The following NDUFS7 variants were observed in gnomAD, a reference collection of about 807,000 sequenced individuals.
NDUFS7 encodes the protein NADH:ubiquinone oxidoreductase core subunit S7.
Under a neutral mutation model 31.1 loss-of-function variants are expected in NDUFS7, and 11 were observed. The ratio of observed to expected loss-of-function variants is 0.35; its 90% CI spans 0.22 to 0.59. The LOEUF is 0.59. NDUFS7 is among the 20% of genes least tolerant of loss of function. The probability of loss-of-function intolerance (pLI) is 0.79; values close to 1 mark genes in which losing one functional copy is unlikely to be tolerated. For missense variants in NDUFS7, 263 were observed against 324.2 expected, an observed-to-expected ratio of 0.81 and a Z score of 1.45; for synonymous variants, 136 against 127.9, an observed-to-expected ratio of 1.06 and a Z score of -0.43.
At chr19:1,387,616 C>T in intron 1 of NDUFS7, 195 bp from the exon 2 acceptor site, 1 of 624,578 alleles carries the variant, frequency 1.6e-6, no homozygotes, top group Non-Finnish European at 2.9e-6. Flanking sequence ...CTTCCGGGGC[C>T]ATGCAGTCTC....
chr19:1,389,217 A>G (rs986165499), intron 4 of NDUFS7: 53 of 671,364 alleles, frequency 7.9e-5, no homozygotes, highest in Middle Eastern at 2.8e-4. Flanking sequence ...TTGCACACAT[A>G]CACACATGCA....
At chr19:1,389,110 G>C in intron 4 of NDUFS7, 172 bp downstream of exon 4, 1 of 719,008 alleles carries the variant, frequency 1.4e-6, no homozygotes. Flanking sequence ...TGTGTACACG[G>C]ACCACACGCA....
In NDUFS7 at chr19:1,390,898, C is replaced by G. The variant is rs758518373; in HGVS notation, c.256C>G (p.Leu86Val). The G allele has an allele frequency of 2.8e-5, 45 of 1,610,780 alleles. No homozygotes were observed. The highest frequency in any genetic ancestry group is 3.8e-5 in the Non-Finnish European group (45 of 1,179,676). Residue 86 changes from leucine to valine, a missense_variant, in exon 5 of 8, where the codon CTG (leucine) becomes GTG (valine). By Grantham distance (32) the Leu-to-Val change is conservative. Transcript: ENST00000233627. ...TTCTCTGTGGCCCATGACCTTCGGCCTGGCCTGCTGCGCCGTGGAGATGAT... is the reference window on the plus strand; with the variant it reads ...TTCTCTGTGGCCCATGACCTTCGGCGTGGCCTGCTGCGCCGTGGAGATGAT... The part of the protein sequence containing the change: ...RSSLWPMTFG[L>V]ACCAVEMMHM...
At chr19:1,390,744 G>A (rs2082549142) in intron 4 of NDUFS7, 127 bp from the exon 5 acceptor site, 2 of 1,074,500 alleles carry the variant, frequency 1.9e-6, no homozygotes, top group African/African-American at 1.6e-5. Context: ...GAGCCGCTGT[G>A]CCTCTCACCT....
At position 1,390,859 on chromosome 19, in the gene NDUFS7, C is replaced by T. The variant is rs189184249; in HGVS notation, c.229-12C>T. 1.4e-5 allele frequency: 22 copies of T among 1,605,690 alleles called. 1 individual carries two copies. The highest frequency in any genetic ancestry group is 3.3e-4 in the Middle Eastern group (2 of 6,038). Reference sequence around the variant, plus strand: ...CCGGGGGTGGCGTCTGACCCGAGCCCGGCCTCCGCAGAGTTCTCTGTGGCC... The same window carrying T: ...CCGGGGGTGGCGTCTGACCCGAGCCTGGCCTCCGCAGAGTTCTCTGTGGCC... On this transcript the variant is annotated splice_polypyrimidine_tract_variant and intron_variant, in intron 4 of 7. Coordinates refer to ENST00000233627, the MANE Select transcript of NDUFS7 (RefSeq NM_024407.5).
intron 1 of NDUFS7, 82 bp downstream of exon 1, chr19:1,384,024 G>A (rs1050383636): frequency 6.9e-7 from 1 of 1,447,484 alleles, no homozygotes. Context: ...GGCGTCGGGG[G>A]TCGGTGCCGG....
intron 1 of NDUFS7, 194 bp downstream of exon 1, chr19:1,384,136 A>C: frequency 1.6e-6 from 1 of 619,234 alleles, no homozygotes; most frequent in South Asian, 2.4e-5. Flanking sequence ...TCCAGAGTAC[A>C]GTCGGGGAAA....
At chr19:1,384,161 G>A in intron 1 of NDUFS7, 2 of 558,276 alleles carry the variant, frequency 3.6e-6, no homozygotes, top group Non-Finnish European at 6.0e-6. Context: ...GGCCCGGTAG[G>A]TCATGACGCA....
intron 7 of NDUFS7, chr19:1,395,097 G>A: frequency 7.6e-7 from 1 of 1,316,048 alleles, no homozygotes; most frequent in Non-Finnish European, 9.7e-7. Flanking sequence ...GAGGGCTGGG[G>A]CCGGGGGCCG....
At chr19:1,385,428 G>A (rs1235452859) in intron 1 of NDUFS7, among the ~76,000 whole-genome samples, 2 of 152,106 alleles carry the variant, frequency 1.3e-5, no homozygotes, top group African/African-American at 4.8e-5. Context: ...CAAGAGAATC[G>A]CTTGAACCCG....
chr19:1,389,238 C>T, intron 4 of NDUFS7: 1 of 661,172 alleles, frequency 1.5e-6, no homozygotes. Context: ...CACTTGCACT[C>T]ATGCACACTC....
chr19:1,393,380 G>A lies in NDUFS7; in HGVS notation c.544+50G>A, dbSNP rs1417323104. The A allele has an allele frequency of 1.2e-5, 18 of 1,473,472 alleles. No individual in the cohort carries two copies. Among genetic ancestry groups the A allele is most frequent in the South Asian group, 2.4e-5 (2 of 82,708 alleles). The allele number at this position is 1,473,472 out of a possible 1,614,324, so 91.3% of individuals were successfully genotyped here. The stretch of plus-strand genomic sequence containing the variant: ...CGAGGGAGCTGGAGACAGGGCCAGC[G>A]CCACACGGAGCCCGGCGGCCCCTGT... On this transcript the variant is annotated intron_variant, in intron 7 of 7. Coordinates refer to ENST00000233627, the MANE Select transcript of NDUFS7 (RefSeq NM_024407.5). This position sits in a 1 kb window ranked among gnomAD's most constrained non-coding sequence, Gnocchi z 7.3.
Position 1,390,748 on chromosome 19 carries a change from C to T in NDUFS7, c.229-123C>T. 4 of 1,154,592 alleles carry T rather than the reference C, an allele frequency of 3.5e-6. No homozygotes were observed. In the Admixed American group the frequency reaches 6.0e-5, roughly 17 times the overall value. The allele number at this position is 1,154,592 out of a possible 1,614,324, so 71.5% of individuals were successfully genotyped here. ...GCCACCTGCAGGAGCCGCTGTGCCT[C>T]TCACCTCTGCCGGCTGCCGCCCCGG... is the stretch of plus-strand genomic sequence containing the variant. On this transcript the variant is annotated intron_variant, in intron 4 of 7. Coordinates refer to ENST00000233627, the MANE Select transcript of NDUFS7 (RefSeq NM_024407.5).
intron 1 of NDUFS7, among the ~76,000 whole-genome samples, chr19:1,385,106 C>T (rs1273200712): frequency 1.3e-5 from 2 of 152,154 alleles, no homozygotes; most frequent in Non-Finnish European, 2.9e-5. Flanking sequence ...ACCCAGCCTA[C>T]GCTAAGAATT....
intron 4 of NDUFS7, chr19:1,390,397 A>G: frequency 8.9e-6 from 2 of 225,046 alleles, no homozygotes; most frequent in Non-Finnish European, 1.8e-5. Flanking sequence ...GAGAGCGGGA[A>G]CGGTGGGGGA....
In NDUFS7 at chr19:1,388,375, CAGCGGCTCTGGCCAGTGGCCCA is replaced by C. The variant is rs2082523813; in HGVS notation, c.54-147_54-126del. 5.4e-6 allele frequency: 4 copies of C among 737,054 alleles called. No individual in the cohort carries two copies. The East Asian group carries it at 1.1e-4, about 20-fold the overall frequency. 45.7% of individuals were successfully genotyped at this position (737,054 alleles called of 1,614,324 possible). Reference sequence around the variant, plus strand: ...GGTCGGGGCGATGGCCGCATGGCTCCAGCGGCTCTGGCCAGTGGCCCAAGTGTTGACAGGCAGAGGTGAGAAC... The same window carrying C: ...GGTCGGGGCGATGGCCGCATGGCTCCAGTGTTGACAGGCAGAGGTGAGAAC... On this transcript the variant is annotated intron_variant, in intron 2 of 7. Transcript: ENST00000233627.
At chr19:1,394,120 C>A (rs752065181) in intron 7 of NDUFS7, 20 of 339,420 alleles carry the variant, frequency 5.9e-5, no homozygotes, top group African/African-American at 4.1e-4. Flanking sequence ...CCCTGAGTCC[C>A]GAGTCTGGGG....
At chr19:1,391,422 G>A (rs2082556794) in intron 6 of NDUFS7, among the ~76,000 whole-genome samples, 1 of 151,694 alleles carries the variant, frequency 6.6e-6, no homozygotes, top group Admixed American at 6.6e-5. Context: ...TCACACATAA[G>A]TGATGACAGG....
chr19:1,391,040 C>A lies in NDUFS7; in HGVS notation c.398C>A (p.Ala133Glu), dbSNP rs1289530034. The A allele has an allele frequency of 7.4e-6, 12 of 1,613,360 alleles. No homozygotes were observed. Among genetic ancestry groups the A allele is most frequent in the Non-Finnish European group, 1.0e-5 (12 of 1,179,904 alleles). Residue 133 changes from alanine (A) to glutamate (E), a missense_variant, in exon 5 of 8, where the codon GCG (alanine) becomes GAG (glutamate). By Grantham distance (107) the Ala-to-Glu change is moderately radical. Coordinates refer to ENST00000233627, the MANE Select transcript of NDUFS7 (RefSeq NM_024407.5). ...ACACTCACCAACAAGATGGCCCCAG[C>A]GCTTCGCAAGGTAGGCCTCGTCCCA... ...AGTLTNKMAP[A>E]LRKVYDQMPE...
Sources: allele counts gnomAD v4.1 joint callset (sites outside exome capture counted in the v4.1 genomes callset), GRCh38; gene constraint gnomAD v4.1.1; non-coding constraint Gnocchi (gnomAD v3.1); transcripts MANE v1.5; gene names NCBI Gene and HGNC (gene_info 2026-07-23, HGNC 2026-07-21).